The following TMEM116 variants were observed in gnomAD, a reference collection of about 807,000 sequenced individuals.
TMEM116 encodes transmembrane protein 116.
A neutral mutation model predicts 44.3 loss-of-function variants in TMEM116; 38 were observed. That is an observed-to-expected ratio of 0.86 (90% confidence interval 0.66 to 1.12). The LOEUF is 1.12. TMEM116 is among the 50% of genes most tolerant of loss of function. The probability of loss-of-function intolerance (pLI) is 0.00; values close to 1 mark genes in which losing one functional copy is unlikely to be tolerated. For synonymous variants in TMEM116, 132 were observed against 144.8 expected, an observed-to-expected ratio of 0.91 and a Z score of 0.64; for missense variants, 354 against 401.7, an observed-to-expected ratio of 0.88 and a Z score of 1.01.
At chr12:111,940,597 C>G (rs1181836683) in intron 5 of TMEM116, among the ~76,000 whole-genome samples, 1 of 133,184 alleles carries the variant, frequency 7.5e-6, no homozygotes, top group Admixed American at 7.4e-5. Context: ...TCGGCTAAAG[C>G]TTTTCTTCTT....
intron 4 of TMEM116, among the ~76,000 whole-genome samples, chr12:111,963,049 C>T (rs2074709034): frequency 2.0e-5 from 3 of 152,066 alleles, no homozygotes. Flanking sequence ...AGCCAACAAA[C>T]ATATGAAAAA....
At chr12:112,006,157 CGGA>C (rs2136740699) in intron 1 of TMEM116, 1 of 159,836 alleles carries the variant, frequency 6.3e-6, no homozygotes, top group Admixed American at 6.5e-5. Flanking sequence ...TAGTGACAAG[CGGA>C]GGAGAAAGCC....
intron 4 of TMEM116, among the ~76,000 whole-genome samples, chr12:111,947,082 T>C (rs2073343046): frequency 6.6e-6 from 1 of 152,136 alleles, no homozygotes; most frequent in Non-Finnish European, 1.5e-5. Context: ...ATCAAAATAA[T>C]TTCCTGTGTT....
chr12:111,985,798 T>C (rs1427686945), intron 4 of TMEM116, among the ~76,000 whole-genome samples: 4 of 152,058 alleles, frequency 2.6e-5, no homozygotes, highest in African/African-American at 9.7e-5. Flanking sequence ...GGTCTCGCCA[T>C]GTTGCCCAGG....
chr12:111,971,362 T>C (rs1383477811), intron 4 of TMEM116, among the ~76,000 whole-genome samples: 1 of 151,982 alleles, frequency 6.6e-6, no homozygotes, highest in Non-Finnish European at 1.5e-5. Flanking sequence ...AACAATAGCA[T>C]AAAGATTGGG....
chr12:112,004,222 CT>C (rs2077447816), intron 2 of TMEM116, among the ~76,000 whole-genome samples: 1 of 151,740 alleles, frequency 6.6e-6, no homozygotes. Flanking sequence ...CTCATGTGAT[CT>C]TCCCACTTTG....
At chr12:112,005,443 T>A in intron 1 of TMEM116, 140 bp from the exon 2 acceptor site, 1 of 617,772 alleles carries the variant, frequency 1.6e-6, no homozygotes, top group Non-Finnish European at 2.3e-6. Context: ...TGAGAATGAG[T>A]TAAAAGGCTG....
intron 4 of TMEM116, among the ~76,000 whole-genome samples, chr12:111,982,547 C>G (rs1246944294): frequency 6.6e-6 from 1 of 152,084 alleles, no homozygotes; most frequent in Non-Finnish European, 1.5e-5. Context: ...GCAATCTGCC[C>G]TCGTTGGCCT....
chr12:111,942,783 GGT>G (rs766823494), intron 5 of TMEM116, among the ~76,000 whole-genome samples: 77 of 136,248 alleles, frequency 5.7e-4, no homozygotes, highest in Admixed American at 2.5e-3. Flanking sequence ...TGTGTGTGTG[GGT>G]GTGTGTGTGG....
At chr12:111,986,615 G>C (rs1023312931) in intron 4 of TMEM116, among the ~76,000 whole-genome samples, 1 of 152,084 alleles carries the variant, frequency 6.6e-6, no homozygotes, top group African/African-American at 2.4e-5. Context: ...TTCAAGACTA[G>C]TGTGAGCAAC....
chr12:111,999,076 A>G (rs2077087067), intron 3 of TMEM116, among the ~76,000 whole-genome samples: 1 of 152,156 alleles, frequency 6.6e-6, no homozygotes, highest in Non-Finnish European at 1.5e-5. Context: ...ATACAAAGAA[A>G]TGTATAATAT....
chr12:111,989,024 A>C (rs1323734964), intron 4 of TMEM116, among the ~76,000 whole-genome samples: 1 of 151,954 alleles, frequency 6.6e-6, no homozygotes, highest in Non-Finnish European at 1.5e-5. Flanking sequence ...CAAAAACAAA[A>C]ACAAAAAACA....
At chr12:111,989,602 T>C (rs2076426410) in intron 4 of TMEM116, among the ~76,000 whole-genome samples, 1 of 152,010 alleles carries the variant, frequency 6.6e-6, no homozygotes. Context: ...GGACCCAGAG[T>C]CTATGCAACA....
At chr12:111,943,113 T>C in intron 5 of TMEM116, 152 bp downstream of exon 5, 1 of 658,190 alleles carries the variant, frequency 1.5e-6, no homozygotes, top group South Asian at 1.8e-5. Flanking sequence ...TTTGTAGAGA[T>C]GGGCTTTCAC....
intron 4 of TMEM116, among the ~76,000 whole-genome samples, chr12:111,986,416 G>T (rs1416118735): frequency 6.6e-6 from 1 of 151,994 alleles, no homozygotes; most frequent in Non-Finnish European, 1.5e-5. Context: ...CATATAGACC[G>T]AATGGATCAG....
chr12:111,947,771 C>A (rs1324984642), intron 4 of TMEM116, among the ~76,000 whole-genome samples: 1 of 152,092 alleles, frequency 6.6e-6, no homozygotes, highest in Non-Finnish European at 1.5e-5. Context: ...TTTCTAATAA[C>A]TTCAATATTA....
intron 4 of TMEM116, among the ~76,000 whole-genome samples, chr12:111,944,908 G>A (rs1238149381): frequency 1.1e-4 from 17 of 151,762 alleles, no homozygotes; most frequent in African/African-American, 3.9e-4. Flanking sequence ...GCCCTCACAA[G>A]GCTTAAAAGC....
At chr12:112,012,852 C>G (rs2077911272) in intron 1 of TMEM116, 150 bp downstream of exon 1, 2 of 152,806 alleles carry the variant, frequency 1.3e-5, no homozygotes, top group African/African-American at 4.8e-5. Context: ...GCGCTCACCT[C>G]AGATCGGGCC....
rs77735159 is a variant in TMEM116, at chr12:111,932,156, T to C, written c.808-329A>G. 3.9e-4 allele frequency among the ~76,000 whole-genome samples: 60 copies of C among 152,196 alleles called. 1 individual carries two copies. In the East Asian group the frequency reaches 0.011, roughly 28 times the overall value. The stretch of plus-strand genomic sequence containing the variant: ...TAGTCAGATAGCCCAAAAATCTTCT[T>C]AAATCCAATAAAGAAAAAAAAGAGA... On this transcript the variant is annotated intron_variant, in intron 10 of 10. Coordinates refer to ENST00000552374, the MANE Select transcript of TMEM116 (RefSeq NM_001193531.2).
Sources: allele counts gnomAD v4.1 joint callset (sites outside exome capture counted in the v4.1 genomes callset), GRCh38; gene constraint gnomAD v4.1.1; transcripts MANE v1.5; gene names NCBI Gene and HGNC (gene_info 2026-07-23, HGNC 2026-07-21).